The following RNF6 variants were observed in gnomAD, a reference collection of about 807,000 sequenced individuals.
The protein encoded by RNF6 is E3 ubiquitin-protein ligase RNF6.
A neutral mutation model predicts 50.1 loss-of-function variants in RNF6; 21 were observed. The observed-to-expected ratio is 0.42, with a 90% CI of 0.30 to 0.60. The LOEUF is 0.60. RNF6 is among the 20% of genes least tolerant of loss of function. RNF6 has a pLI of 0.20. For synonymous variants in RNF6, 255 were observed against 291.8 expected (o/e 0.87, Z 1.29); for missense variants, 698 against 838.2 (o/e 0.83, Z 2.07).
chr13:26,222,709 G>C (rs1443855640), upstream of RNF6: 1 of 152,292 alleles, frequency 6.6e-6, no homozygotes, highest in Non-Finnish European at 1.5e-5. Flanking sequence ...AGGCTAGAGC[G>C]ATCGTAGCTC....
At chr13:26,165,347 T>C (rs499912) in intron 5 of RNF6, among the ~76,000 whole-genome samples, 25,339 of 152,138 alleles carry the variant, frequency 0.17, 2,895 homozygotes, top group African/African-American at 0.33. Flanking sequence ...GCTGTAGGGG[T>C]GAGGCTCTCA....
chr13:26,182,187 A>G (rs1433541177), intron 5 of RNF6, among the ~76,000 whole-genome samples: 1 of 152,230 alleles, frequency 6.6e-6, no homozygotes, highest in Non-Finnish European at 1.5e-5. Context: ...CACACTTACA[A>G]TAAAACATTA....
chr13:26,186,912 G>A (rs1394494307), intron 5 of RNF6, among the ~76,000 whole-genome samples: 3 of 152,116 alleles, frequency 2.0e-5, no homozygotes, highest in Non-Finnish European at 4.4e-5. Context: ...CGAGTAGCTG[G>A]GACTACAGGC....
At chr13:26,173,278 C>T (rs765143645) in intron 5 of RNF6, among the ~76,000 whole-genome samples, 10 of 152,122 alleles carry the variant, frequency 6.6e-5, no homozygotes, top group African/African-American at 9.7e-5. Flanking sequence ...GCATTTCAGC[C>T]GTGCTTGTAA....
intron 5 of RNF6, among the ~76,000 whole-genome samples, chr13:26,137,387 T>G (rs989258406): frequency 1.1e-4 from 17 of 152,148 alleles, no homozygotes; most frequent in African/African-American, 3.6e-4. Flanking sequence ...AATTGCCCAT[T>G]ATATTACTTA....
intron 5 of RNF6, among the ~76,000 whole-genome samples, chr13:26,195,021 A>G (rs1868605179): frequency 6.6e-6 from 1 of 152,210 alleles, no homozygotes; most frequent in African/African-American, 2.4e-5. Flanking sequence ...AATCAAGATG[A>G]CACTCAGTTA....
chr13:26,142,359 A>T (rs569989055), intron 5 of RNF6: 1 of 152,306 alleles, frequency 6.6e-6, no homozygotes, highest in Admixed American at 6.5e-5. Context: ...CTACCATTCA[A>T]CCCAGCAATT....
At chr13:26,172,648 A>G (rs1872752751) in intron 5 of RNF6, among the ~76,000 whole-genome samples, 1 of 151,280 alleles carries the variant, frequency 6.6e-6, no homozygotes, top group Non-Finnish European at 1.5e-5. Context: ...GGTTCACGCC[A>G]TTGTCCTGCC....
chr13:26,197,552 C>G (rs1868720736), intron 5 of RNF6, among the ~76,000 whole-genome samples: 1 of 151,950 alleles, frequency 6.6e-6, no homozygotes, highest in Non-Finnish European at 1.5e-5. Flanking sequence ...AATTTTGTCA[C>G]TTTCCTGACA....
intron 3 of RNF6, 79 bp from the exon 4 acceptor site, chr13:26,218,685 T>A: frequency 9.7e-7 from 1 of 1,034,962 alleles, no homozygotes; most frequent in South Asian, 1.3e-5. Context: ...GACTAATCTT[T>A]AGTAACCTAT....
intron 1 of RNF6, 49 bp from the exon 2 acceptor site, chr13:26,221,379 A>C (rs576899315): frequency 7.9e-5 from 12 of 152,322 alleles, no homozygotes; most frequent in African/African-American, 2.6e-4. Flanking sequence ...GTTTCTTTAA[A>C]GGCCAGGAAC....
intron 5 of RNF6, among the ~76,000 whole-genome samples, chr13:26,146,742 A>G (rs1353053356): frequency 1.3e-5 from 2 of 152,156 alleles, no homozygotes; most frequent in African/African-American, 4.8e-5. Flanking sequence ...GACTCCCAAG[A>G]TTCTGCAAAA....
chr13:26,205,227 T>C (rs1375970617), intron 5 of RNF6, among the ~76,000 whole-genome samples: 1 of 127,500 alleles, frequency 7.8e-6, no homozygotes, highest in Non-Finnish European at 1.8e-5. Context: ...TGGAGTACAA[T>C]AAGTACATGG....
At chr13:26,205,234 A>C (rs1869062282) in intron 5 of RNF6, among the ~76,000 whole-genome samples, 1 of 140,058 alleles carries the variant, frequency 7.1e-6, no homozygotes, top group Non-Finnish European at 1.6e-5. Context: ...CAATAAGTAC[A>C]TGGAGTCAGA....
At chr13:26,187,450 A>T (rs374074175) in intron 5 of RNF6, among the ~76,000 whole-genome samples, 1 of 152,006 alleles carries the variant, frequency 6.6e-6, no homozygotes, top group South Asian at 2.1e-4. Flanking sequence ...ATTTCAGGTG[A>T]ATTTCTGACT....
chr13:26,189,681 T>C (rs1868381624), intron 5 of RNF6, among the ~76,000 whole-genome samples: 1 of 152,140 alleles, frequency 6.6e-6, no homozygotes, highest in South Asian at 2.1e-4. Flanking sequence ...TCAGACTGAG[T>C]TTGAGACAGG....
chr13:26,190,093 C>T (rs1868398138), intron 5 of RNF6, among the ~76,000 whole-genome samples: 1 of 152,120 alleles, frequency 6.6e-6, no homozygotes, highest in South Asian at 2.1e-4. Context: ...AAATCTTTTC[C>T]TTGCCCTTTC....
intron 5 of RNF6, among the ~76,000 whole-genome samples, chr13:26,157,473 G>C (rs1197598018): frequency 6.6e-6 from 1 of 151,994 alleles, no homozygotes; most frequent in Non-Finnish European, 1.5e-5. Flanking sequence ...AAAAAGATTT[G>C]TAGCGCATTT....
chr13:26,211,525 A>G (rs1292799970), downstream of RNF6, among the ~76,000 whole-genome samples: 1 of 152,150 alleles, frequency 6.6e-6, no homozygotes, highest in African/African-American at 2.4e-5. Context: ...TTGGGAGGCC[A>G]AGGTGGGCGG....
Sources: gnomAD v4.1 joint callset for allele counts (sites outside exome capture counted in the v4.1 genomes callset) on GRCh38, gnomAD v4.1.1 for gene constraint, MANE v1.5 for transcripts, NCBI Gene and HGNC (gene_info 2026-07-23, HGNC 2026-07-21) for gene names.